The following COL15A1 variants were observed in gnomAD, a reference collection of about 807,000 sequenced individuals.
The protein encoded by COL15A1 is collagen alpha-1(XV) chain.
A neutral mutation model predicts 165.9 loss-of-function variants in COL15A1; 111 were observed. That is an observed-to-expected ratio of 0.67 (90% CI 0.57 to 0.78). The LOEUF (loss-of-function observed/expected upper bound fraction) is 0.78, where lower values mean the gene tolerates loss of function less well. Among genes scored for constraint, COL15A1 ranks in the 30% least tolerant of loss-of-function variants. COL15A1 has a pLI of 0.00. For missense variants in COL15A1, 1,745 were observed against 1,789.7 expected (o/e 0.98, Z 0.45); for synonymous variants, 659 against 674.8 (o/e 0.98, Z 0.36).
At chr9:99,060,878 T>G (rs563808891) in intron 36 of COL15A1, among the ~76,000 whole-genome samples, 62 of 151,940 alleles carry the variant, frequency 4.1e-4, no homozygotes, top group African/African-American at 1.4e-3. Flanking sequence ...ATACCCCATC[T>G]CTAGAAAAAA....
rs774334392 is a variant in COL15A1 at position 99,016,095 on chromosome 9, G to A, written c.1623G>A (p.Val541=). 2 of 1,612,800 alleles carry A rather than the reference G, an allele frequency of 1.2e-6. No individual in the cohort carries two copies. The highest frequency in any genetic ancestry group is 3.3e-5 in the Admixed American group (2 of 59,816). The change falls in exon 11 of 42, where the codon GTG becomes GTA. Residue 541 remains valine (V), a synonymous_variant. Coordinates refer to ENST00000375001, the MANE Select transcript of COL15A1 (RefSeq NM_001855.5). Reference sequence around the variant, plus strand: ...GGCCACCGCTGCCCCTGCCCACAGTGGCTCCTGAAAGATGGATCACTCCAG... The same window carrying A: ...GGCCACCGCTGCCCCTGCCCACAGTAGCTCCTGAAAGATGGATCACTCCAG... ...PDGPPLPLPT[V]APERWITPAQ... is the part of the protein sequence containing the mutation.
intron 30 of COL15A1, 77 bp from the exon 31 acceptor site, chr9:99,052,311 C>T (rs544011858): frequency 1.4e-5 from 15 of 1,084,102 alleles, no homozygotes; most frequent in South Asian, 2.5e-5. Context: ...CACATGCCCC[C>T]GGGACAGTGG....
At chr9:98,973,403 G>A (rs1181744776) in intron 2 of COL15A1, among the ~76,000 whole-genome samples, 1 of 152,200 alleles carries the variant, frequency 6.6e-6, no homozygotes, top group East Asian at 1.9e-4. Context: ...GAAAAATAGG[G>A]TCTTTGATTG....
At chr9:99,034,480 A>G in intron 16 of COL15A1, 69 bp from the exon 17 acceptor site, 3 of 1,518,672 alleles carry the variant, frequency 2.0e-6, no homozygotes, top group Non-Finnish European at 2.6e-6. Flanking sequence ...ATAATTGTGC[A>G]TTGTCTTCAG....
chr9:98,969,931 A>G (rs1049926792), intron 2 of COL15A1, among the ~76,000 whole-genome samples: 1 of 152,162 alleles, frequency 6.6e-6, no homozygotes, highest in Non-Finnish European at 1.5e-5. Context: ...TGAAGAAGTC[A>G]GGGGCTATAA....
chr9:98,958,506 GA>G (rs1279547171), intron 2 of COL15A1, among the ~76,000 whole-genome samples: 1 of 151,730 alleles, frequency 6.6e-6, no homozygotes, highest in South Asian at 2.1e-4. Flanking sequence ...CCCACAGAAA[GA>G]AAAAAAGGAG....
At position 99,062,923 on chromosome 9, in the gene COL15A1, A is replaced by G. The variant is rs2063421314; in HGVS notation, c.3592-127A>G. On this transcript the variant is annotated intron_variant, in intron 38 of 41. Coordinates refer to ENST00000375001, the MANE Select transcript of COL15A1 (RefSeq NM_001855.5). ...GAAACTCTTTACAGTTAAGAGTCAC[A>G]GTTACAGACAATGGCAAATTATTTA... is the stretch of plus-strand genomic sequence containing the variant. 9 of 1,120,192 alleles carry G rather than the reference A, an allele frequency of 8.0e-6. No individual in the cohort carries two copies. The East Asian group carries it at 2.4e-4, about 30-fold the overall frequency. 69.4% of individuals were successfully genotyped at this position (1,120,192 alleles called of 1,614,324 possible).
chr9:99,032,395 G>A (rs531037128), intron 16 of COL15A1, among the ~76,000 whole-genome samples: 11 of 152,066 alleles, frequency 7.2e-5, no homozygotes, highest in African/African-American at 2.7e-4. Flanking sequence ...TCACCATGTT[G>A]GCCAGGCTGG....
At chr9:98,961,512 G>C (rs139184137) in intron 2 of COL15A1, among the ~76,000 whole-genome samples, 1 of 152,308 alleles carries the variant, frequency 6.6e-6, no homozygotes, top group Non-Finnish European at 1.5e-5. Context: ...GAATGTTCCA[G>C]ATACAGAGAA....
intron 5 of COL15A1, among the ~76,000 whole-genome samples, chr9:98,990,634 G>A (rs531734199): frequency 1.3e-5 from 2 of 152,238 alleles, no homozygotes; most frequent in Admixed American, 6.5e-5. Context: ...CTTAGAGAGG[G>A]ACAGGAAAGG....
chr9:98,966,741 G>A (rs979111671), intron 2 of COL15A1, among the ~76,000 whole-genome samples: 1 of 152,188 alleles, frequency 6.6e-6, no homozygotes, highest in African/African-American at 2.4e-5. Context: ...TTAGGGAGAG[G>A]GGATTGCAGC....
intron 11 of COL15A1, among the ~76,000 whole-genome samples, chr9:99,018,991 C>G (rs529105741): frequency 4.6e-5 from 7 of 151,646 alleles, no homozygotes; most frequent in Admixed American, 2.6e-4. Context: ...GAGAGAGAGA[C>G]AGACACAGAG....
chr9:98,949,050 C>T (rs917235142), intron 2 of COL15A1, among the ~76,000 whole-genome samples: 4 of 152,114 alleles, frequency 2.6e-5, no homozygotes, highest in Non-Finnish European at 5.9e-5. Context: ...TAACAGTCAT[C>T]CCTTTCTTGC....
chr9:99,004,418 C>A (rs1444226198), intron 8 of COL15A1, among the ~76,000 whole-genome samples: 1 of 152,068 alleles, frequency 6.6e-6, no homozygotes, highest in Non-Finnish European at 1.5e-5. Context: ...CGGTGAGTGG[C>A]CTTGGGGAGA....
At chr9:99,039,618 A>G (rs558317026) in intron 22 of COL15A1, among the ~76,000 whole-genome samples, 1 of 152,338 alleles carries the variant, frequency 6.6e-6, no homozygotes, top group Admixed American at 6.5e-5. Context: ...TACAGCCTGT[A>G]GAATAAATAC....
intron 2 of COL15A1, among the ~76,000 whole-genome samples, chr9:98,983,720 C>T (rs944693854): frequency 3.3e-5 from 5 of 152,152 alleles, no homozygotes; most frequent in South Asian, 2.1e-4. Flanking sequence ...TAAAGAATAG[C>T]GAATGTTTGT....
chr9:99,007,540 A>G (rs1214119185), intron 9 of COL15A1, among the ~76,000 whole-genome samples: 1 of 152,184 alleles, frequency 6.6e-6, no homozygotes, highest in Non-Finnish European at 1.5e-5. Context: ...TTATTAGGAA[A>G]GTTCACTTTT....
At position 99,047,990 on chromosome 9, in the gene COL15A1, T is replaced by A. The variant is rs1438033589; in HGVS notation, c.2783T>A (p.Val928Asp). 6.4e-7 allele frequency: 1 copy of A among 1,574,400 alleles called. No individual in the cohort carries two copies. The highest frequency in any genetic ancestry group is 8.7e-7 in the Non-Finnish European group (1 of 1,153,412). Residue 928 changes from valine to aspartate, a missense_variant, in exon 28 of 42, where the codon GTC becomes GAC. Coordinates refer to ENST00000375001, the MANE Select transcript of COL15A1 (RefSeq NM_001855.5). ...AAGGGTACCAAAGGAGATCCAGGGGTCATTATGCAGGTGAGTCACCCTGGG... is the reference window on the plus strand; with the variant it reads ...AAGGGTACCAAAGGAGATCCAGGGGACATTATGCAGGTGAGTCACCCTGGG... Reference protein sequence around the residue: ...GLKGTKGDPGVIMQGPPGLPG... With the variant: ...GLKGTKGDPGDIMQGPPGLPG...
rs537521009 is a variant in COL15A1 at position 98,947,962 on chromosome 9, C to T, written c.100+3712C>T. On this transcript the variant is annotated intron_variant, in intron 2 of 41. Transcript: ENST00000375001. ...GAACTTAGATGAGTTGCTTTTCCCA[C>T]TCTGAGCCTGTTTTCCCATCTACGA... Among the ~76,000 whole-genome samples the T allele has an allele frequency of 3.3e-5, 5 of 152,360 alleles. No homozygotes were observed. In the East Asian group the frequency reaches 9.6e-4, roughly 29 times the overall value.
Sources: allele counts gnomAD v4.1 joint callset (sites outside exome capture counted in the v4.1 genomes callset), GRCh38; gene constraint gnomAD v4.1.1; transcripts MANE v1.5; gene names NCBI Gene and HGNC (gene_info 2026-07-23, HGNC 2026-07-21).